CEP128: variants seen among roughly 807,000 people sequenced by gnomAD.
CEP128 encodes the protein centrosomal protein 128.
Under a neutral mutation model 156.7 loss-of-function variants are expected in CEP128, and 132 were observed. That is an observed-to-expected ratio of 0.84 (90% CI 0.73 to 0.97). CEP128 has a LOEUF of 0.97. CEP128 is among the 50% of genes least tolerant of loss of function. CEP128 has a pLI of 0.00. For synonymous variants in CEP128, 469 were observed against 448.9 expected (o/e 1.04, Z -0.57); for missense variants, 1,252 against 1,281.9 (o/e 0.98, Z 0.36).
At chr14:80,567,400 A>G (rs1229131827) in intron 20 of CEP128, among the ~76,000 whole-genome samples, 1 of 152,138 alleles carries the variant, frequency 6.6e-6, no homozygotes. Flanking sequence ...GTTGGGACAG[A>G]TTTCAGACTG....
At chr14:80,841,823 G>C (rs1205686856) in intron 9 of CEP128, among the ~76,000 whole-genome samples, 2 of 151,942 alleles carry the variant, frequency 1.3e-5, no homozygotes, top group African/African-American at 4.8e-5. Flanking sequence ...TTATAGGGTA[G>C]TGGTGAAAAC....
chr14:80,767,727 T>C (rs1256649075), intron 16 of CEP128, among the ~76,000 whole-genome samples: 2 of 152,128 alleles, frequency 1.3e-5, no homozygotes, highest in Admixed American at 6.5e-5. Context: ...TTATGATTAA[T>C]AGTGCATTAA....
chr14:80,569,293 A>C (rs1377967162), intron 20 of CEP128, among the ~76,000 whole-genome samples: 1 of 152,208 alleles, frequency 6.6e-6, no homozygotes, highest in African/African-American at 2.4e-5. Flanking sequence ...TTTAAATCTA[A>C]AACATTTTAC....
chr14:80,763,797 T>C (rs1900089368), intron 16 of CEP128, among the ~76,000 whole-genome samples: 1 of 152,218 alleles, frequency 6.6e-6, no homozygotes, highest in South Asian at 2.1e-4. Context: ...AAATTCAATA[T>C]GTGAAAGATG....
intron 19 of CEP128, among the ~76,000 whole-genome samples, chr14:80,673,400 T>C (rs1045782890): frequency 6.6e-6 from 1 of 151,674 alleles, no homozygotes; most frequent in Admixed American, 6.6e-5. Context: ...TCCCAGCACT[T>C]TGGGAGGCCG....
intron 21 of CEP128, among the ~76,000 whole-genome samples, chr14:80,548,936 TA>T (rs1469874392): frequency 6.6e-6 from 1 of 152,190 alleles, no homozygotes; most frequent in East Asian, 1.9e-4. Flanking sequence ...TCACATTTTT[TA>T]AATTGGTCAT....
chr14:80,918,022 A>C (rs1224381775), intron 2 of CEP128, among the ~76,000 whole-genome samples: 1 of 152,172 alleles, frequency 6.6e-6, no homozygotes, highest in Non-Finnish European at 1.5e-5. Context: ...CAGGGCTCTT[A>C]ACTTCCTTCT....
At position 80,559,321 on chromosome 14, in the gene CEP128, A is replaced by G; in HGVS notation, c.2857-19T>C. 2 of 1,582,248 alleles carry G rather than the reference A, an allele frequency of 1.3e-6. No individual in the cohort carries two copies. Among genetic ancestry groups the G allele is most frequent in the Non-Finnish European group, 1.7e-6 (2 of 1,167,192 alleles). ...CACGGTCCTGCAAAGAAAGCATAAT[A>G]TATAATTATAAAACGAAGGCTGTTT... On this transcript the variant is annotated intron_variant, in intron 20 of 24. Transcript: ENST00000555265.
chr14:80,720,164 C>T lies in CEP128; in HGVS notation c.2806+22911G>A, dbSNP rs571294351. Among the ~76,000 whole-genome samples, 9 of 152,052 alleles carry T rather than the reference C, an allele frequency of 5.9e-5. No individual in the cohort carries two copies. In the South Asian group the frequency reaches 1.7e-3, roughly 28 times the overall value. On this transcript the variant is annotated intron_variant, in intron 19 of 24. Transcript: ENST00000555265. ...ACTGTGACACCTGTGAGGCAGAAAT[C>T]GCCTCAGCATATAAGAGAAACAAAA...
chr14:80,586,255 A>G (rs1595048257), intron 19 of CEP128, among the ~76,000 whole-genome samples: 1 of 152,362 alleles, frequency 6.6e-6, no homozygotes, highest in East Asian at 1.9e-4. Context: ...GGGCCAGCCC[A>G]CCAAGCTCCT....
chr14:80,521,298 C>T (rs1285020793), intron 23 of CEP128, among the ~76,000 whole-genome samples: 2 of 152,018 alleles, frequency 1.3e-5, no homozygotes, highest in Non-Finnish European at 2.9e-5. Context: ...AATTTCTTCA[C>T]AATCTTTCTT....
intron 19 of CEP128, among the ~76,000 whole-genome samples, chr14:80,642,763 T>A (rs1214356786): frequency 6.6e-6 from 1 of 151,466 alleles, no homozygotes; most frequent in Non-Finnish European, 1.5e-5. Context: ...TGACCCCCTT[T>A]TTTTTTTTTT....
chr14:80,657,932 G>A (rs1201403213), intron 19 of CEP128, among the ~76,000 whole-genome samples: 1 of 151,922 alleles, frequency 6.6e-6, no homozygotes, highest in East Asian at 1.9e-4. Flanking sequence ...CTTTTTTGAA[G>A]GCAAGAACTC....
chr14:80,897,333 C>G (rs934199412), intron 7 of CEP128, among the ~76,000 whole-genome samples: 1 of 152,166 alleles, frequency 6.6e-6, no homozygotes, highest in Non-Finnish European at 1.5e-5. Context: ...CCTTGATATC[C>G]TCCCTATAGT....
chr14:80,908,687 T>A (rs889166745), intron 4 of CEP128, among the ~76,000 whole-genome samples: 3 of 152,340 alleles, frequency 2.0e-5, no homozygotes, highest in Non-Finnish European at 2.9e-5. Context: ...CTCTTATGCC[T>A]GTGTATTCTT....
chr14:80,573,284 A>G (rs1047063412), intron 20 of CEP128, among the ~76,000 whole-genome samples: 1 of 152,048 alleles, frequency 6.6e-6, no homozygotes, highest in African/African-American at 2.4e-5. Flanking sequence ...TGGGCTTTTG[A>G]GCTCAAAGAC....
chr14:80,946,443 C>A (rs1190489509), upstream of CEP128, among the ~76,000 whole-genome samples: 1 of 151,100 alleles, frequency 6.6e-6, no homozygotes, highest in East Asian at 1.9e-4. Flanking sequence ...ATCTAAAGAG[C>A]CTTGACTAAG....
intron 13 of CEP128, among the ~76,000 whole-genome samples, chr14:80,826,894 T>C (rs762776492): frequency 1.2e-4 from 18 of 152,200 alleles, no homozygotes; most frequent in Non-Finnish European, 2.2e-4. Flanking sequence ...AGAATTCTTA[T>C]GAATACAAAT....
chr14:80,935,599 TAAAA>T (rs1555364929), intron 2 of CEP128, among the ~76,000 whole-genome samples: 1 of 46,278 alleles, frequency 2.2e-5, no homozygotes, highest in Non-Finnish European at 4.1e-5. Context: ...AATAAATAAA[TAAAA>T]ATAAAGTACT....
Sources: gnomAD v4.1 joint callset for allele counts (sites outside exome capture counted in the v4.1 genomes callset) on GRCh38, gnomAD v4.1.1 for gene constraint, MANE v1.5 for transcripts, NCBI Gene and HGNC (gene_info 2026-07-23, HGNC 2026-07-21) for gene names.